Variants in RPS6KA2 observed in about 807,000 individuals in gnomAD.
RPS6KA2 encodes ribosomal protein S6 kinase alpha-2.
A neutral mutation model predicts 91.8 loss-of-function variants in RPS6KA2; 42 were observed. The ratio of observed to expected loss-of-function variants is 0.46; its 90% CI spans 0.36 to 0.59. The LOEUF (loss-of-function observed/expected upper bound fraction) is 0.59, where lower values mean the gene tolerates loss of function less well. Among genes scored for constraint, RPS6KA2 ranks in the 20% least tolerant of loss-of-function variants. The probability of loss-of-function intolerance (pLI) is 0.00; values close to 1 mark genes in which losing one functional copy is unlikely to be tolerated. For synonymous variants in RPS6KA2, 414 were observed against 393.6 expected, an observed-to-expected ratio of 1.05 and a Z score of -0.61; for missense variants, 798 against 978.5, an observed-to-expected ratio of 0.82 and a Z score of 2.46.
intron 2 of RPS6KA2, among the ~76,000 whole-genome samples, chr6:166,696,668 C>T (rs776382370): frequency 3.3e-5 from 5 of 152,078 alleles, no homozygotes; most frequent in African/African-American, 9.7e-5. Context: ...TGGGAGGAGA[C>T]GAACATTTAA....
At chr6:166,741,226 G>A (rs528167089) in intron 2 of RPS6KA2, among the ~76,000 whole-genome samples, 32 of 152,326 alleles carry the variant, frequency 2.1e-4, no homozygotes, top group Middle Eastern at 6.8e-3. Flanking sequence ...TTGCTTATAT[G>A]TAAAGACGTG....
At chr6:166,586,342 T>C in intron 1 of RPS6KA2, 1 of 1,599,592 alleles carries the variant, frequency 6.3e-7, no homozygotes, top group South Asian at 1.1e-5. Flanking sequence ...CCACCAGCTC[T>C]GCTATTCCAT....
intron 1 of RPS6KA2, among the ~76,000 whole-genome samples, chr6:166,578,023 T>TC (rs1338242328): frequency 1.3e-5 from 2 of 152,182 alleles, no homozygotes; most frequent in Admixed American, 6.5e-5. Flanking sequence ...TTTCTCATTT[T>TC]CTCTTGCTGC....
chr6:166,473,495 A>C (rs1474961204), intron 10 of RPS6KA2, among the ~76,000 whole-genome samples: 1 of 152,086 alleles, frequency 6.6e-6, no homozygotes, highest in Non-Finnish European at 1.5e-5. Context: ...CGGATGATTT[A>C]TTCTTTCATT....
At chr6:166,526,713 T>G (rs1225430588) in intron 3 of RPS6KA2, among the ~76,000 whole-genome samples, 1 of 152,144 alleles carries the variant, frequency 6.6e-6, no homozygotes, top group Non-Finnish European at 1.5e-5. Flanking sequence ...CCAAAATATT[T>G]TAAAAATAAC....
Position 166,603,638 on chromosome 6 carries a change from T to C in RPS6KA2, c.99+23283A>G, listed in dbSNP as rs1251245617. Among the ~76,000 whole-genome samples, 3 of 152,120 alleles carry C rather than the reference T, an allele frequency of 2.0e-5. No individual in the cohort carries two copies. Among genetic ancestry groups the C allele is most frequent in the Non-Finnish European group, 1.5e-5 (1 of 68,020 alleles). On this transcript the variant is annotated intron_variant, in intron 1 of 20. Coordinates refer to ENST00000265678, the MANE Select transcript of RPS6KA2 (RefSeq NM_021135.6). The surrounding 1 kb of genome is among the most constrained non-coding windows in gnomAD (Gnocchi z 4.3). The stretch of plus-strand genomic sequence containing the variant: ...AAGATGCTTCCACCTGGGCAACACC[T>C]GTCATTGGGAGGGCATCGTGAACAT...
chr6:166,483,634 A>G (rs1168047311), intron 10 of RPS6KA2, among the ~76,000 whole-genome samples: 1 of 152,250 alleles, frequency 6.6e-6, no homozygotes, highest in East Asian at 1.9e-4. Context: ...TCCTCACTAA[A>G]TAAGAGAAGC....
At chr6:166,753,934 AG>A (rs1777921095) in intron 2 of RPS6KA2, among the ~76,000 whole-genome samples, 1 of 152,210 alleles carries the variant, frequency 6.6e-6, no homozygotes, top group South Asian at 2.1e-4. Context: ...AAGCATGATG[AG>A]GAACCCAAAT....
chr6:166,781,424 A>G (rs1262162705), intron 2 of RPS6KA2, among the ~76,000 whole-genome samples: 1 of 152,098 alleles, frequency 6.6e-6, no homozygotes, highest in Non-Finnish European at 1.5e-5. Flanking sequence ...AAGCAACACA[A>G]TTGGGGTCAC....
At chr6:166,791,206 G>A (rs1430676339) in intron 2 of RPS6KA2, among the ~76,000 whole-genome samples, 2 of 152,094 alleles carry the variant, frequency 1.3e-5, no homozygotes, top group African/African-American at 4.8e-5. Flanking sequence ...AAAAGCAAGG[G>A]TCGCAATCCT....
chr6:166,791,029 T>C (rs893635422), intron 2 of RPS6KA2, among the ~76,000 whole-genome samples: 2 of 152,216 alleles, frequency 1.3e-5, no homozygotes, highest in Admixed American at 6.5e-5. Flanking sequence ...ACTTTAAATG[T>C]AAATGGGCTA....
At chr6:166,772,640 G>A (rs547396265) in intron 2 of RPS6KA2, among the ~76,000 whole-genome samples, 12 of 152,042 alleles carry the variant, frequency 7.9e-5, no homozygotes, top group South Asian at 2.1e-4. Context: ...TTGTGCCTTC[G>A]CCTATCACCT....
At chr6:166,489,284 A>C (rs1781514759) in intron 9 of RPS6KA2, among the ~76,000 whole-genome samples, 1 of 152,228 alleles carries the variant, frequency 6.6e-6, no homozygotes, top group South Asian at 2.1e-4. Flanking sequence ...GAAATTATCT[A>C]TGTTTTCTCA....
intron 6 of RPS6KA2, among the ~76,000 whole-genome samples, chr6:166,504,199 C>T (rs933108277): frequency 1.4e-4 from 21 of 152,330 alleles, no homozygotes; most frequent in African/African-American, 4.6e-4. Flanking sequence ...GGGTCGTGGG[C>T]GTGCCCCTCC....
intron 2 of RPS6KA2, among the ~76,000 whole-genome samples, chr6:166,774,186 G>A (rs553511846): frequency 6.6e-6 from 1 of 152,320 alleles, no homozygotes; most frequent in African/African-American, 2.4e-5. Flanking sequence ...TGGACTGCAA[G>A]TAAAGCTGCC....
At chr6:166,531,978 A>AT (rs1491398616) in intron 2 of RPS6KA2, among the ~76,000 whole-genome samples, 1 of 136,094 alleles carries the variant, frequency 7.3e-6, no homozygotes, top group East Asian at 2.0e-4. Flanking sequence ...TCCTTTGTAT[A>AT]AAAAAAAAAA....
intron 3 of RPS6KA2, among the ~76,000 whole-genome samples, chr6:166,516,429 G>T (rs921817841): frequency 1.3e-5 from 2 of 152,224 alleles, no homozygotes; most frequent in Non-Finnish European, 1.5e-5. Flanking sequence ...AGCCAGGGGT[G>T]GGGGAGGCAG....
Position 166,495,170 on chromosome 6 carries a change from C to T in RPS6KA2, c.747+3338G>A, listed in dbSNP as rs78548022. ...GCTCTTTCAGCTTTAGTTTTCATTTCTGTGCACAGAAAGAATACCGTCTTT... is the reference window on the plus strand; with the variant it reads ...GCTCTTTCAGCTTTAGTTTTCATTTTTGTGCACAGAAAGAATACCGTCTTT... On this transcript the variant is annotated intron_variant, in intron 8 of 20. Transcript: ENST00000265678. This position sits in a 1 kb window ranked among gnomAD's most constrained non-coding sequence, Gnocchi z 4.4. Among the ~76,000 whole-genome samples the T allele has an allele frequency of 8.6e-3, 1,316 of 152,306 alleles. 12 individuals are homozygous for T. The highest frequency in any genetic ancestry group is 0.029 in the African/African-American group (1,217 of 41,568).
At chr6:166,771,438 C>T (rs1257315559) in intron 2 of RPS6KA2, among the ~76,000 whole-genome samples, 1 of 152,160 alleles carries the variant, frequency 6.6e-6, no homozygotes, top group Admixed American at 6.6e-5. Flanking sequence ...GTCTAGGAGG[C>T]CTTTCTTCTT....
Sources: gnomAD v4.1 joint callset for allele counts (sites outside exome capture counted in the v4.1 genomes callset) on GRCh38, gnomAD v4.1.1 for gene constraint, Gnocchi (gnomAD v3.1) non-coding constraint, MANE v1.5 for transcripts, NCBI Gene and HGNC (gene_info 2026-07-23, HGNC 2026-07-21) for gene names.